Variants in ODF2 observed in about 807,000 individuals in gnomAD.
ODF2 encodes the protein outer dense fiber protein 2.
Under a neutral mutation model 110.2 loss-of-function variants are expected in ODF2, and 47 were observed. The ratio of observed to expected loss-of-function variants is 0.43; its 90% CI spans 0.34 to 0.54. The LOEUF (loss-of-function observed/expected upper bound fraction) is 0.54. Among genes scored for constraint, ODF2 ranks in the 20% least tolerant of loss-of-function variants. The pLI is 0.03. For missense variants in ODF2, 812 were observed against 1,054.5 expected (o/e 0.77, Z 3.19); for synonymous variants, 352 against 397.7 (o/e 0.89, Z 1.37).
At chr9:128,492,955 A>G in intron 16 of ODF2, 150 bp downstream of exon 16, 1 of 601,060 alleles carries the variant, frequency 1.7e-6, no homozygotes, top group Non-Finnish European at 2.9e-6. Context: ...CATCCACTCT[A>G]CCCTGTGCCT....
At chr9:128,478,445 A>G (rs1431998677) in intron 8 of ODF2, among the ~76,000 whole-genome samples, 1 of 152,158 alleles carries the variant, frequency 6.6e-6, no homozygotes, top group East Asian at 1.9e-4. Flanking sequence ...TAAAATACAA[A>G]AAAATGAGCT....
chr9:128,456,496 G>A (rs893099123), intron 1 of ODF2: 1 of 1,526,692 alleles, frequency 6.6e-7, no homozygotes, highest in Non-Finnish European at 8.8e-7. Flanking sequence ...CTACCACGGG[G>A]CTCTGCCCCT....
intron 2 of ODF2, among the ~76,000 whole-genome samples, chr9:128,459,130 A>G (rs771526509): frequency 3.3e-5 from 5 of 152,132 alleles, no homozygotes; most frequent in Admixed American, 1.3e-4. Flanking sequence ...CAGGCATGAG[A>G]CATGGCTTGT....
chr9:128,487,290 T>TGGA, intron 13 of ODF2, among the ~76,000 whole-genome samples: 1 of 152,202 alleles, frequency 6.6e-6, no homozygotes, highest in East Asian at 1.9e-4. Flanking sequence ...GAATTGTAGA[T>TGGA]GGTTTCTTGG....
intron 4 of ODF2, among the ~76,000 whole-genome samples, chr9:128,462,235 T>G (rs1836666486): frequency 6.6e-6 from 1 of 151,068 alleles, no homozygotes; most frequent in Admixed American, 6.6e-5. Flanking sequence ...CACCACAACC[T>G]CCGCCTCCTG....
chr9:128,484,238 A>G (rs1842956053), intron 11 of ODF2, among the ~76,000 whole-genome samples, 184 bp downstream of exon 11: 1 of 152,254 alleles, frequency 6.6e-6, no homozygotes, highest in African/African-American at 2.4e-5. Flanking sequence ...ACAGAGACCC[A>G]GGAGGTGTTG....
At position 128,488,940 on chromosome 9, in the gene ODF2, G is replaced by A. The variant is rs188636532; in HGVS notation, c.1536+915G>A. Among the ~76,000 whole-genome samples, 1,089 of 152,340 alleles carry A rather than the reference G, an allele frequency of 7.1e-3. 8 individuals carry two copies. The highest frequency in any genetic ancestry group is 0.012 in the Non-Finnish European group (831 of 68,036). On this transcript the variant is annotated intron_variant, in intron 14 of 20. Transcript: ENST00000604420. ...GAGAATTGCTTGAGCCCAGGAAGTG[G>A]AGGTTGCAGTGAGCCGAGATTGCGC...
chr9:128,456,002 CT>C (rs371901918), upstream of ODF2: 1,292 of 1,419,962 alleles, frequency 9.1e-4, 9 homozygotes, highest in African/African-American at 0.017. Flanking sequence ...GTGGGCGGCC[CT>C]TCTGGCGGGG....
chr9:128,455,213 G>A (rs900976516), upstream of ODF2: 1 of 1,535,496 alleles, frequency 6.5e-7, no homozygotes, highest in Non-Finnish European at 8.7e-7. Context: ...GACCAGCAAG[G>A]ACCTCATCAG....
intron 3 of ODF2, among the ~76,000 whole-genome samples, chr9:128,459,906 A>T (rs1835970870): frequency 6.6e-6 from 1 of 152,162 alleles, no homozygotes; most frequent in East Asian, 1.9e-4. Context: ...TGAGATTTTT[A>T]AAATAAAGGA....
intron 19 of ODF2, 45 bp downstream of exon 19, chr9:128,498,620 A>G (rs1846049346): frequency 1.8e-6 from 2 of 1,089,608 alleles, no homozygotes; most frequent in Non-Finnish European, 2.7e-6. Flanking sequence ...ACCTTGGGCA[A>G]ATCACCTAAA....
intron 11 of ODF2, 30 bp from the exon 12 acceptor site, chr9:128,484,671 C>T (rs1564508423): frequency 6.4e-7 from 1 of 1,551,066 alleles, no homozygotes; most frequent in South Asian, 1.2e-5. Context: ...CTCTCTTCTC[C>T]CTCTCTTTCT....
At chr9:128,456,135 G>C (rs750945935), upstream of ODF2, 2 of 1,548,058 alleles carry the variant, frequency 1.3e-6, no homozygotes, top group Non-Finnish European at 1.7e-6. Flanking sequence ...AGGCGGAAGC[G>C]GGGAGGAGCC....
At position 128,472,369 on chromosome 9, in the gene ODF2, G is replaced by C. The variant is rs570078488; in HGVS notation, c.582-544G>C. Among the ~76,000 whole-genome samples the C allele has an allele frequency of 4.7e-4, 72 of 152,192 alleles. 2 individuals are homozygous for C. The South Asian group carries it at 0.015, about 31-fold the overall frequency. On this transcript the variant is annotated intron_variant, in intron 6 of 20. Coordinates refer to ENST00000604420, the Ensembl canonical transcript of ODF2. ...ATTACAGGTGCCCACTACCATGCCC[G>C]GCTAACTTTTGTATTTTTAGTAGAG... is the stretch of plus-strand genomic sequence containing the variant.
intron 9 of ODF2, among the ~76,000 whole-genome samples, chr9:128,482,410 A>G (rs750255444): frequency 2.5e-4 from 38 of 152,208 alleles, no homozygotes; most frequent in Non-Finnish European, 4.7e-4. Flanking sequence ...AAAGACACAG[A>G]AGATTTAATC....
chr9:128,462,784 G>A (rs867729190), intron 4 of ODF2, among the ~76,000 whole-genome samples: 11 of 151,676 alleles, frequency 7.3e-5, no homozygotes, highest in South Asian at 4.2e-4. Context: ...TGGTAGAGAC[G>A]GGGTTTCACC....
Position 128,494,391 on chromosome 9 carries a change from C to A in ODF2, c.1753-119C>A. ...CTGCTGTGGATTTTGCAGGATCCTC[C>A]ACTGGGGACTGTGTCAGCCCTGCCC... On this transcript the variant is annotated intron_variant, in intron 16 of 20. Coordinates refer to ENST00000604420, the Ensembl canonical transcript of ODF2. This position sits in a 1 kb window ranked among gnomAD's most constrained non-coding sequence, Gnocchi z 4.6. The A allele has an allele frequency of 1.2e-6, 1 of 843,978 alleles. No individual in the cohort carries two copies. Among genetic ancestry groups the A allele is most frequent in the Non-Finnish European group, 1.9e-6 (1 of 533,962 alleles). The allele number at this position is 843,978 out of a possible 1,614,324, so 52.3% of individuals were successfully genotyped here. A position where few individuals can be genotyped will look rare whatever the true frequency, so the allele number is the denominator to read the frequency against.
intron 1 of ODF2, chr9:128,456,985 G>T: frequency 8.0e-7 from 1 of 1,249,348 alleles, no homozygotes; most frequent in Non-Finnish European, 1.0e-6. Flanking sequence ...CGCGGTTCTG[G>T]CCCTCTGGGG....
intron 15 of ODF2, 23 bp downstream of exon 15, chr9:128,492,559 C>T: frequency 2.5e-6 from 4 of 1,573,180 alleles, no homozygotes; most frequent in Non-Finnish European, 3.5e-6. Context: ...GGGGCCCTGG[C>T]CCTTCTGAGC....
Sources: gnomAD v4.1 joint callset for allele counts (sites outside exome capture counted in the v4.1 genomes callset) on GRCh38, gnomAD v4.1.1 for gene constraint, Gnocchi (gnomAD v3.1) non-coding constraint, MANE v1.5 for transcripts, NCBI Gene and HGNC (gene_info 2026-07-23, HGNC 2026-07-21) for gene names.